The following FUT8 variants were observed in gnomAD, a reference collection of about 807,000 sequenced individuals.
The protein encoded by FUT8 is alpha-(1,6)-fucosyltransferase.
FUT8 carries 29 observed loss-of-function variants against 71.3 expected under a neutral mutation model. That is an observed-to-expected ratio of 0.41 (90% CI 0.30 to 0.55). The LOEUF (loss-of-function observed/expected upper bound fraction) is 0.55, where lower values mean the gene tolerates loss of function less well. Ranked by LOEUF, FUT8 falls within the 20% of genes least tolerant of loss-of-function variation. FUT8 has a pLI of 0.34. For missense variants in FUT8, 544 were observed against 702.1 expected, an observed-to-expected ratio of 0.77 and a Z score of 2.55; for synonymous variants, 254 against 239.3, an observed-to-expected ratio of 1.06 and a Z score of -0.57.
the FUT8 span, among the ~76,000 whole-genome samples, chr14:65,375,977 G>A: frequency 6.6e-6 from 1 of 151,900 alleles, no homozygotes; most frequent in African/African-American, 2.4e-5. Context: ...TGTAATCCCA[G>A]CTACTCAGGA....
At chr14:65,589,692 C>T (rs1415350955) in intron 3 of FUT8, among the ~76,000 whole-genome samples, 1 of 152,104 alleles carries the variant, frequency 6.6e-6, no homozygotes, top group East Asian at 1.9e-4. Flanking sequence ...GATCTGCCCG[C>T]CTCGGCCTCC....
At chr14:65,568,756 G>T (rs1308630614) in intron 3 of FUT8, among the ~76,000 whole-genome samples, 1 of 151,250 alleles carries the variant, frequency 6.6e-6, no homozygotes, top group African/African-American at 2.4e-5. Flanking sequence ...TGTCATTTAA[G>T]TTAGGTTGGT....
intron 1 of FUT8, among the ~76,000 whole-genome samples, chr14:65,445,337 G>T (rs2065722897): frequency 6.6e-6 from 1 of 152,204 alleles, no homozygotes; most frequent in Admixed American, 6.5e-5. Context: ...CTCACCAGAT[G>T]CTGGCGCCTT....
chr14:65,646,031 C>G (rs1034657194), intron 6 of FUT8: 4 of 152,194 alleles, frequency 2.6e-5, no homozygotes, highest in Non-Finnish European at 5.9e-5. Flanking sequence ...ACTGAGATGG[C>G]ACCGAATCCT....
In FUT8 at chr14:65,689,846, T is replaced by C. The variant is rs57058062; in HGVS notation, c.835+20366T>C. On this transcript the variant is annotated intron_variant, in intron 7 of 10. Coordinates refer to ENST00000673929, the MANE Select transcript of FUT8 (RefSeq NM_001371533.1). ...GCCACAGCACCCAGCCGAGCAGAGG[T>C]TTTCAACTTCACTGAAGTTTAACTT... Among the ~76,000 whole-genome samples the C allele has an allele frequency of 2.7e-3, 417 of 152,350 alleles. 3 individuals are homozygous for C. Among genetic ancestry groups the C allele is most frequent in the Middle Eastern group, 0.01 (3 of 294 alleles).
chr14:65,668,486 T>C (rs111962724), intron 6 of FUT8, among the ~76,000 whole-genome samples: 22 of 152,290 alleles, frequency 1.4e-4, no homozygotes, highest in African/African-American at 2.9e-4. Flanking sequence ...CACAGTGATA[T>C]ACCATCAGAA....
At chr14:65,601,753 A>G (rs1656015935) in intron 3 of FUT8, among the ~76,000 whole-genome samples, 1 of 152,170 alleles carries the variant, frequency 6.6e-6, no homozygotes, top group African/African-American at 2.4e-5. Flanking sequence ...AGAATCAAAT[A>G]TCATTAATGA....
chr14:65,614,014 C>G (rs184412867), intron 3 of FUT8, among the ~76,000 whole-genome samples: 1 of 150,560 alleles, frequency 6.6e-6, no homozygotes, highest in African/African-American at 2.4e-5. Context: ...CTCAGGAGGC[C>G]GAGGCACGAG....
chr14:65,604,525 C>T (rs145605734), intron 3 of FUT8, among the ~76,000 whole-genome samples: 1 of 151,866 alleles, frequency 6.6e-6, no homozygotes, highest in East Asian at 1.9e-4. Context: ...TGAAATCAAA[C>T]GGAAACTAAA....
chr14:65,518,099 T>G (rs1205928320), intron 2 of FUT8, among the ~76,000 whole-genome samples: 2 of 152,228 alleles, frequency 1.3e-5, no homozygotes, highest in Non-Finnish European at 2.9e-5. Flanking sequence ...ACTTTGCAGT[T>G]TAATTGGACT....
At chr14:65,601,802 G>A (rs564975732) in intron 3 of FUT8, among the ~76,000 whole-genome samples, 6 of 152,056 alleles carry the variant, frequency 3.9e-5, no homozygotes, top group East Asian at 1.9e-4. Flanking sequence ...TTATTAACGC[G>A]TTTCTGCTGT....
chr14:65,590,751 C>T (rs1472935741), intron 3 of FUT8, among the ~76,000 whole-genome samples: 1 of 152,118 alleles, frequency 6.6e-6, no homozygotes, highest in Non-Finnish European at 1.5e-5. Flanking sequence ...TTCTAGTCTC[C>T]TGGTATTTGT....
At chr14:65,656,838 C>T (rs1039029033) in intron 6 of FUT8, among the ~76,000 whole-genome samples, 1 of 152,076 alleles carries the variant, frequency 6.6e-6, no homozygotes, top group Non-Finnish European at 1.5e-5. Context: ...GTGGAGAACC[C>T]AGAAACAAAT....
At chr14:65,516,138 G>A (rs867847067) in intron 2 of FUT8, 4 of 151,508 alleles carry the variant, frequency 2.6e-5, no homozygotes, top group Admixed American at 6.6e-5. Flanking sequence ...AATAACCACA[G>A]CATGGTACTC....
At chr14:65,384,397 A>G in the FUT8 span, among the ~76,000 whole-genome samples, 1 of 152,104 alleles carries the variant, frequency 6.6e-6, no homozygotes, top group African/African-American at 2.4e-5. This position sits in a 1 kb window ranked among gnomAD's most constrained non-coding sequence, Gnocchi z 4.2. Context: ...ACAGGCATGC[A>G]CCACCATGCC....
chr14:65,546,956 AGTTT>A (rs1885018317), intron 2 of FUT8, among the ~76,000 whole-genome samples: 1 of 151,650 alleles, frequency 6.6e-6, no homozygotes, highest in Non-Finnish European at 1.5e-5. Flanking sequence ...GAGCTTCAGT[AGTTT>A]GTTTCTTTTA....
intron 3 of FUT8, among the ~76,000 whole-genome samples, chr14:65,597,350 C>T (rs528222455): frequency 7.2e-5 from 11 of 152,238 alleles, no homozygotes; most frequent in African/African-American, 1.7e-4. Flanking sequence ...ACTATCAGGC[C>T]GGGTGCGATG....
intron 3 of FUT8, among the ~76,000 whole-genome samples, chr14:65,595,334 T>A (rs1887907475): frequency 6.6e-6 from 1 of 152,180 alleles, no homozygotes; most frequent in African/African-American, 2.4e-5. Context: ...TTGTGTCTAT[T>A]TGACTATTTT....
intron 7 of FUT8, among the ~76,000 whole-genome samples, chr14:65,677,173 CGTAT>C (rs1892799904): frequency 9.2e-6 from 1 of 108,320 alleles, no homozygotes; most frequent in East Asian, 3.2e-4. Context: ...TGCGCGCGCA[CGTAT>C]GTGTGTGCGC....
Sources: gnomAD v4.1 joint callset for allele counts (sites outside exome capture counted in the v4.1 genomes callset) on GRCh38, gnomAD v4.1.1 for gene constraint, Gnocchi (gnomAD v3.1) non-coding constraint, MANE v1.5 for transcripts, NCBI Gene and HGNC (gene_info 2026-07-23, HGNC 2026-07-21) for gene names.